The following USH2A variants were observed in gnomAD, a reference collection of about 807,000 sequenced individuals.
The protein encoded by USH2A is Usher syndrome 2A (autosomal recessive, mild).
A neutral mutation model predicts 538.9 loss-of-function variants in USH2A; 443 were observed. The ratio of observed to expected loss-of-function variants is 0.82; its 90% CI spans 0.76 to 0.89. The LOEUF (loss-of-function observed/expected upper bound fraction) is 0.89. USH2A is among the 40% of genes least tolerant of loss of function. The probability of loss-of-function intolerance (pLI) is 0.00; values close to 1 mark genes in which losing one functional copy is unlikely to be tolerated. For synonymous variants in USH2A, 2,413 were observed against 2,273.5 expected (o/e 1.06, Z -1.75); for missense variants, 6,633 against 6,324.8 (o/e 1.05, Z -1.65).
At chr1:215,730,806 T>G (rs1558073280) in intron 60 of USH2A, among the ~76,000 whole-genome samples, 1 of 152,262 alleles carries the variant, frequency 6.6e-6, no homozygotes, top group East Asian at 1.9e-4. Context: ...CCCACCTCAT[T>G]ATTGCTCACT....
intron 20 of USH2A, among the ~76,000 whole-genome samples, chr1:216,184,265 G>A (rs2034550390): frequency 6.6e-6 from 1 of 152,024 alleles, no homozygotes; most frequent in African/African-American, 2.4e-5. Flanking sequence ...TCTTGTCAAA[G>A]GTGAAGCAAA....
At position 215,801,399 on chromosome 1, in the gene USH2A, A is replaced by G. The variant is rs1015849736; in HGVS notation, c.9740-2274T>C. 5.3e-5 allele frequency among the ~76,000 whole-genome samples: 8 copies of G among 151,698 alleles called. No homozygotes were observed. In the East Asian group the frequency reaches 1.2e-3, roughly 22 times the overall value. ...TAGAGAAAACTATAAAGATTCTAAA[A>G]AAAAAAAAAACCTGTTACAACTAAT... On this transcript the variant is annotated intron_variant, in intron 49 of 71. Transcript: ENST00000307340.
At chr1:215,647,427 C>T in intron 67 of USH2A, 95 bp downstream of exon 67, 1 of 1,460,456 alleles carries the variant, frequency 6.8e-7, no homozygotes, top group Non-Finnish European at 9.5e-7. Flanking sequence ...CCCACTCAAT[C>T]TGTTTTTAAA....
chr1:216,133,008 T>C (rs924275701), intron 21 of USH2A, among the ~76,000 whole-genome samples: 17 of 152,138 alleles, frequency 1.1e-4, no homozygotes, highest in African/African-American at 3.9e-4. Flanking sequence ...TTGATGCGTA[T>C]AGCCCTGCTG....
At chr1:216,152,072 C>T (rs147519636) in intron 21 of USH2A, among the ~76,000 whole-genome samples, 63 of 152,262 alleles carry the variant, frequency 4.1e-4, no homozygotes, top group East Asian at 3.5e-3. Flanking sequence ...TAGGTTCCCA[C>T]GCCGCCCCTA....
At chr1:215,866,083 T>C (rs1664460115) in intron 44 of USH2A, among the ~76,000 whole-genome samples, 1 of 152,174 alleles carries the variant, frequency 6.6e-6, no homozygotes. Context: ...ATAAAATGTT[T>C]TGAGTGGGTC....
chr1:215,754,827 C>T (rs1660741463), intron 58 of USH2A, among the ~76,000 whole-genome samples: 1 of 152,200 alleles, frequency 6.6e-6, no homozygotes, highest in South Asian at 2.1e-4. Context: ...TATTGTAATT[C>T]ACCAGTCTCA....
intron 43 of USH2A, among the ~76,000 whole-genome samples, chr1:215,870,890 GATCA>G (rs1664609076): frequency 6.6e-6 from 1 of 152,064 alleles, no homozygotes; most frequent in Non-Finnish European, 1.5e-5. Context: ...AAAAATGCTA[GATCA>G]ATTAACATCA....
At chr1:215,820,201 A>G (rs1662973269) in intron 47 of USH2A, among the ~76,000 whole-genome samples, 1 of 151,664 alleles carries the variant, frequency 6.6e-6, no homozygotes. Context: ...GAAATTTAAG[A>G]TACCTTAATA....
intron 35 of USH2A, among the ~76,000 whole-genome samples, chr1:215,977,711 C>T (rs1318854726): frequency 6.6e-6 from 1 of 152,118 alleles, no homozygotes; most frequent in Non-Finnish European, 1.5e-5. Flanking sequence ...CGGGATTTCA[C>T]TGTATTGGCC....
intron 32 of USH2A, among the ~76,000 whole-genome samples, chr1:216,032,876 A>G (rs1669159817): frequency 6.6e-6 from 1 of 152,182 alleles, no homozygotes; most frequent in Non-Finnish European, 1.5e-5. Context: ...CTAGAAGTGA[A>G]TTATTTCCCA....
chr1:215,850,747 A>G (rs1049290814), intron 44 of USH2A, among the ~76,000 whole-genome samples: 4 of 152,184 alleles, frequency 2.6e-5, no homozygotes, highest in African/African-American at 9.6e-5. Context: ...TATACATTCT[A>G]TTCATCAGCA....
At chr1:215,742,732 C>T (rs1660340506) in intron 59 of USH2A, among the ~76,000 whole-genome samples, 2 of 152,076 alleles carry the variant, frequency 1.3e-5, no homozygotes, top group Admixed American at 1.3e-4. Flanking sequence ...GAATAGGGTT[C>T]AAGGAAGCAC....
At chr1:216,173,583 A>G (rs2034313394) in intron 21 of USH2A, among the ~76,000 whole-genome samples, 1 of 152,174 alleles carries the variant, frequency 6.6e-6, no homozygotes, top group South Asian at 2.1e-4. Context: ...TAACTTTTTT[A>G]AAGAGGAATT....
intron 35 of USH2A, 86 bp from the exon 36 acceptor site, chr1:215,970,862 T>C (rs1387364848): frequency 7.5e-7 from 1 of 1,332,428 alleles, no homozygotes; most frequent in East Asian, 2.3e-5. Flanking sequence ...TGATGTGATT[T>C]CTAGTTTCAT....
Position 215,888,694 on chromosome 1 carries a change from C to G in USH2A, c.7955G>C (p.Gly2652Ala), listed in dbSNP as rs780651843. 7 of 1,614,100 alleles carry G rather than the reference C, an allele frequency of 4.3e-6. No individual in the cohort carries two copies. Among genetic ancestry groups the G allele is most frequent in the Non-Finnish European group, 5.9e-6 (7 of 1,180,008 alleles). The change falls in exon 41 of 72, where the codon GGC becomes GCC. Residue 2652 changes from glycine (G) to alanine (A), a missense_variant. Transcript: ENST00000307340. ...CTCAATTGTGAAATTCTCCACCAAG[C>G]CATTGGGGTGGGTAGGGGGTTGCCA... ...ISWQPPTHPN[G>A]LVENFTIERR...
chr1:216,277,382 C>T (rs1235498401), intron 11 of USH2A, among the ~76,000 whole-genome samples: 1 of 152,094 alleles, frequency 6.6e-6, no homozygotes, highest in Non-Finnish European at 1.5e-5. Flanking sequence ...CTGATACATG[C>T]TGCTATGATA....
chr1:215,955,434 A>G (rs1667039486), intron 37 of USH2A, among the ~76,000 whole-genome samples: 1 of 152,210 alleles, frequency 6.6e-6, no homozygotes. Flanking sequence ...AGCAGCTATC[A>G]TTTAGTTTCT....
At chr1:216,058,992 T>C (rs916268773) in intron 30 of USH2A, among the ~76,000 whole-genome samples, 2 of 152,138 alleles carry the variant, frequency 1.3e-5, no homozygotes, top group African/African-American at 2.4e-5. Context: ...GAGAGTACCA[T>C]AGGCAGTTTT....
Sources: gnomAD v4.1 joint callset for allele counts (sites outside exome capture counted in the v4.1 genomes callset) on GRCh38, gnomAD v4.1.1 for gene constraint, MANE v1.5 for transcripts, NCBI Gene and HGNC (gene_info 2026-07-23, HGNC 2026-07-21) for gene names.